Variants in APBB2 observed in about 807,000 individuals in gnomAD.
The protein encoded by APBB2 is Fe65-like 1.
APBB2 carries 38 observed loss-of-function variants against 82.5 expected under a neutral mutation model. The ratio of observed to expected loss-of-function variants is 0.46; its 90% CI spans 0.36 to 0.60. The LOEUF is 0.60. APBB2 is among the 20% of genes least tolerant of loss of function. The pLI, the probability that APBB2 is intolerant of heterozygous loss-of-function variation, is 0.00. For missense variants in APBB2, 772 were observed against 972.3 expected (o/e 0.79, Z 2.74); for synonymous variants, 341 against 368.2 (o/e 0.93, Z 0.85).
Position 40,821,930 on chromosome 4 carries a change from C to A in APBB2, c.2053G>T (p.Val685Phe). Residue 685 changes from valine (V) to phenylalanine (F), a missense_variant, in exon 17 of 18, where the codon GTT becomes TTT. Val to Phe is a conservative substitution (Grantham distance 50). Coordinates refer to ENST00000508593, the MANE Select transcript of APBB2 (RefSeq NM_004307.2). ...DTGNQRFECH[V>F]FWCEPNAGNV... is the part of the protein sequence containing the mutation. ...CCAGCATTAGGCTCGCACCAGAAAA[C>A]GTGGCACTCAAAGCGCTGGTTCCCC... The A allele has an allele frequency of 6.2e-7, 1 of 1,614,150 alleles. No homozygotes were observed. Among genetic ancestry groups the A allele is most frequent in the South Asian group, 1.1e-5 (1 of 91,078 alleles).
At position 40,927,953 on chromosome 4, in the gene APBB2, T is replaced by C. The variant is rs1025936638; in HGVS notation, c.1254+6503A>G. Among the ~76,000 whole-genome samples, 107 of 152,194 alleles carry C rather than the reference T, an allele frequency of 7.0e-4. 3 individuals are homozygous for C. Among genetic ancestry groups the C allele is most frequent in the Non-Finnish European group, 2.6e-4 (18 of 68,044 alleles). On this transcript the variant is annotated intron_variant, in intron 10 of 17. Transcript: ENST00000508593. The stretch of plus-strand genomic sequence containing the variant: ...CAATTTGATTGTAACTGGTTTTTAT[T>C]TGAATGTTAATCAAGAATTTGGTCA...
intron 5 of APBB2, among the ~76,000 whole-genome samples, chr4:41,022,589 T>C (rs1712093238): frequency 6.6e-6 from 1 of 152,226 alleles, no homozygotes; most frequent in African/African-American, 2.4e-5. Flanking sequence ...CACACCTTCA[T>C]AAATGCATTT....
chr4:41,174,464 C>T (rs1007939549), intron 1 of APBB2, among the ~76,000 whole-genome samples: 7 of 152,094 alleles, frequency 4.6e-5, no homozygotes, highest in African/African-American at 9.7e-5. Flanking sequence ...TGTTTGAGCA[C>T]GCTAGCAGCT....
chr4:40,905,735 GGCATCTACTTTATTGCTGGGGATTCA>G (rs1560854081), intron 10 of APBB2, among the ~76,000 whole-genome samples: 2 of 152,160 alleles, frequency 1.3e-5, no homozygotes, highest in South Asian at 2.1e-4. Context: ...GATGACATTC[GGCATCTACTTTATTGCTGGGGATTCA>G]GCATCTACTT....
intron 1 of APBB2, among the ~76,000 whole-genome samples, chr4:41,156,423 G>A (rs553217741): frequency 7.9e-5 from 12 of 152,316 alleles, no homozygotes; most frequent in Middle Eastern, 3.4e-3. Flanking sequence ...GGGGTCGAGG[G>A]AAGAATCTCC....
chr4:41,019,483 C>T (rs923109605), intron 5 of APBB2, among the ~76,000 whole-genome samples: 18 of 151,978 alleles, frequency 1.2e-4, no homozygotes, highest in African/African-American at 3.4e-4. Context: ...TTAATTTTCT[C>T]TATGAAGAGA....
Position 41,145,544 on chromosome 4 carries a change from T to C in APBB2, c.-416-2402A>G, listed in dbSNP as rs145086309. Among the ~76,000 whole-genome samples the C allele has an allele frequency of 9.7e-4, 148 of 152,270 alleles. 3 individuals are homozygous for C. In the East Asian group the frequency reaches 0.025, roughly 26 times the overall value. On this transcript the variant is annotated intron_variant, in intron 1 of 17. Transcript: ENST00000508593. ...AATGAAACGCATGCAGGAGAAAAAGTGAAGACTCAATCCTAGGCTAAAAAA... is the reference window on the plus strand; with the variant it reads ...AATGAAACGCATGCAGGAGAAAAAGCGAAGACTCAATCCTAGGCTAAAAAA...
intron 2 of APBB2, among the ~76,000 whole-genome samples, chr4:41,126,748 A>T (rs1298083789): frequency 6.6e-6 from 1 of 152,184 alleles, no homozygotes; most frequent in African/African-American, 2.4e-5. Flanking sequence ...GAGCCGTCTT[A>T]TCCCTATGTC....
chr4:40,976,233 A>G (rs368905944), intron 6 of APBB2, among the ~76,000 whole-genome samples: 3 of 152,220 alleles, frequency 2.0e-5, no homozygotes, highest in Admixed American at 1.3e-4. Flanking sequence ...TTAATTTCAA[A>G]TTATTATTTA....
rs996746251 is a variant in APBB2 at position 41,016,874 on chromosome 4, C to A, written c.20-2476G>T. ...TATTAGTTTATTTACGTACTTATTACTTTTGAGACAGGGTTGGTTATTTAT... is the reference window on the plus strand; with the variant it reads ...TATTAGTTTATTTACGTACTTATTAATTTTGAGACAGGGTTGGTTATTTAT... On this transcript the variant is annotated intron_variant, in intron 5 of 17. Transcript: ENST00000508593. Among the ~76,000 whole-genome samples the A allele has an allele frequency of 3.3e-5, 5 of 151,904 alleles. No homozygotes were observed. In the East Asian group the frequency reaches 9.7e-4, roughly 29 times the overall value.
At chr4:41,082,067 C>T (rs1392844132) in intron 3 of APBB2, among the ~76,000 whole-genome samples, 3 of 152,064 alleles carry the variant, frequency 2.0e-5, no homozygotes, top group African/African-American at 4.8e-5. Context: ...GAACATGACA[C>T]GGAACTCTAG....
chr4:40,924,772 AAAAT>A (rs1044701866), intron 10 of APBB2, among the ~76,000 whole-genome samples: 11 of 152,226 alleles, frequency 7.2e-5, no homozygotes, highest in South Asian at 4.1e-4. Flanking sequence ...AATCCTGAGC[AAAAT>A]AAATAATTGT....
chr4:40,864,489 A>G (rs1342516035), intron 12 of APBB2, among the ~76,000 whole-genome samples: 1 of 152,182 alleles, frequency 6.6e-6, no homozygotes, highest in South Asian at 2.1e-4. Flanking sequence ...AAAAAAAACA[A>G]AAGAAATTCT....
intron 1 of APBB2, among the ~76,000 whole-genome samples, chr4:41,171,986 G>A (rs1768404477): frequency 6.6e-6 from 1 of 152,198 alleles, no homozygotes; most frequent in Non-Finnish European, 1.5e-5. Context: ...TGTAATCCCA[G>A]CTAATCGGGA....
intron 6 of APBB2, among the ~76,000 whole-genome samples, chr4:41,011,874 G>GT (rs2154428333): frequency 6.6e-6 from 1 of 152,184 alleles, no homozygotes; most frequent in South Asian, 2.1e-4. Flanking sequence ...ATACATTTAT[G>GT]TTTTTTGAAA....
At chr4:40,844,416 A>T (rs1478199457) in intron 12 of APBB2, among the ~76,000 whole-genome samples, 1 of 152,238 alleles carries the variant, frequency 6.6e-6, no homozygotes, top group African/African-American at 2.4e-5. Context: ...CAAAGCTGCA[A>T]TAACCTGCAA....
At chr4:40,927,776 C>T (rs867561312) in intron 10 of APBB2, among the ~76,000 whole-genome samples, 5 of 152,168 alleles carry the variant, frequency 3.3e-5, no homozygotes, top group Admixed American at 2.0e-4. Flanking sequence ...TGAGCCACCG[C>T]GCCCAGCCCC....
At chr4:40,850,224 C>T (rs960721344) in intron 12 of APBB2, among the ~76,000 whole-genome samples, 4 of 152,210 alleles carry the variant, frequency 2.6e-5, no homozygotes, top group Admixed American at 6.5e-5. Flanking sequence ...GATTTGCCCA[C>T]CTCAGGCTCC....
At chr4:41,101,417 T>C (rs1262553008) in intron 2 of APBB2, among the ~76,000 whole-genome samples, 3 of 129,294 alleles carry the variant, frequency 2.3e-5, no homozygotes, top group Admixed American at 9.3e-5. Context: ...TGAGCCGAGA[T>C]TGCGCCACTG....
Sources: allele counts gnomAD v4.1 joint callset (sites outside exome capture counted in the v4.1 genomes callset), GRCh38; gene constraint gnomAD v4.1.1; transcripts MANE v1.5; gene names NCBI Gene and HGNC (gene_info 2026-07-23, HGNC 2026-07-21).